The following TNRC6B variants were observed in gnomAD, a reference collection of about 807,000 sequenced individuals.
TNRC6B encodes trinucleotide repeat-containing gene 6B protein.
A neutral mutation model predicts 203.6 loss-of-function variants in TNRC6B; 52 were observed. The ratio of observed to expected loss-of-function variants is 0.26; its 90% CI spans 0.20 to 0.32. The LOEUF (loss-of-function observed/expected upper bound fraction) is 0.32, where lower values mean the gene tolerates loss of function less well. TNRC6B is among the 10% of genes least tolerant of loss of function. TNRC6B has a pLI of 1.00. For missense variants in TNRC6B, 1,923 were observed against 2,286.2 expected, an observed-to-expected ratio of 0.84 and a Z score of 3.24; for synonymous variants, 838 against 845.7, an observed-to-expected ratio of 0.99 and a Z score of 0.16.
At chr22:40,180,003 A>T (rs898434377) in intron 1 of TNRC6B, among the ~76,000 whole-genome samples, 2 of 152,212 alleles carry the variant, frequency 1.3e-5, no homozygotes, top group African/African-American at 4.8e-5. Context: ...GATTCACTGT[A>T]AATTTTTTGA....
At chr22:40,236,021 A>T (rs1569032551) in intron 1 of TNRC6B, among the ~76,000 whole-genome samples, 1 of 152,228 alleles carries the variant, frequency 6.6e-6, no homozygotes, top group Non-Finnish European at 1.5e-5. Context: ...AGCAAGGCAG[A>T]GAGATTCTGT....
intron 21 of TNRC6B, among the ~76,000 whole-genome samples, chr22:40,319,613 G>C (rs374087685): frequency 3.9e-5 from 6 of 152,040 alleles, no homozygotes; most frequent in East Asian, 1.9e-4. Flanking sequence ...TTTTAGTAGA[G>C]ATGGGTTTCA....
intron 1 of TNRC6B, among the ~76,000 whole-genome samples, chr22:40,079,533 ATAAT>A (rs2068047823): frequency 6.6e-6 from 1 of 151,814 alleles, no homozygotes; most frequent in African/African-American, 2.4e-5. Flanking sequence ...TGTTTTAAAA[ATAAT>A]TATTTTATTA....
chr22:40,053,492 C>A (rs1283503731), intron 1 of TNRC6B, among the ~76,000 whole-genome samples: 3 of 152,084 alleles, frequency 2.0e-5, no homozygotes, highest in Non-Finnish European at 2.9e-5. Flanking sequence ...AAAAAAATAC[C>A]CCTTTAACAC....
In TNRC6B at chr22:40,335,423, C is replaced by G. The variant is rs1290907260; in HGVS notation, c.*12182C>G. On this transcript the variant is annotated 3_prime_UTR_variant, in exon 23 of 23. Transcript: ENST00000454349. The stretch of plus-strand genomic sequence containing the variant: ...AATGTACAAATAAGCTGAAAAGTTG[C>G]ATTTTATGTGTATTTTTTGCCATAG... The G allele has an allele frequency of 6.8e-6, 1 of 146,714 alleles. No individual in the cohort carries two copies. Among genetic ancestry groups the G allele is most frequent in the Non-Finnish European group, 1.5e-5 (1 of 67,012 alleles). The allele number at this position is 146,714 out of a possible 1,614,324, so 9.1% of individuals were successfully genotyped here. A position where few individuals can be genotyped will look rare whatever the true frequency, so the allele number is the denominator to read the frequency against.
chr22:40,175,597 C>T (rs532190076), upstream of TNRC6B, among the ~76,000 whole-genome samples: 2 of 152,154 alleles, frequency 1.3e-5, no homozygotes, highest in Non-Finnish European at 2.9e-5. Context: ...TGTTCAGTCT[C>T]CACACATTTT....
chr22:40,270,473 C>T (rs935689139), intron 6 of TNRC6B, among the ~76,000 whole-genome samples, 193 bp downstream of exon 6: 62 of 152,154 alleles, frequency 4.1e-4, no homozygotes, highest in African/African-American at 1.4e-3. Context: ...GCGCCCGCCA[C>T]CACGCCCGGC....
intron 12 of TNRC6B, among the ~76,000 whole-genome samples, chr22:40,294,390 T>G (rs1047839644): frequency 9.2e-5 from 14 of 152,216 alleles, no homozygotes; most frequent in Admixed American, 6.5e-4. Flanking sequence ...TATCTTCACA[T>G]GGCTTTTTCT....
chr22:40,301,323 A>T lies in TNRC6B; in HGVS notation c.4110A>T (p.Gly1370=). ...TTCAAACCAAAGGGCCAATACCTGG[A>T]TATGGTTCTGGTAAGTTGTTGGTAG... ...PDLQTKGPIP[G]YGSGFSSGGM... is the part of the protein sequence containing the mutation. The change falls in exon 15 of 23, where the codon GGA becomes GGT. Residue 1370 remains glycine, a synonymous_variant. Transcript: ENST00000454349. 1.9e-6 allele frequency: 3 copies of T among 1,606,612 alleles called. No individual in the cohort carries two copies. Among genetic ancestry groups the T allele is most frequent in the Non-Finnish European group, 2.6e-6 (3 of 1,176,112 alleles).
intron 17 of TNRC6B, 107 bp from the exon 18 acceptor site, chr22:40,312,398 A>T: frequency 8.8e-7 from 1 of 1,135,144 alleles, no homozygotes; most frequent in Non-Finnish European, 1.2e-6. Context: ...GAGACAATAA[A>T]TTCAGTATTT....
intron 4 of TNRC6B, among the ~76,000 whole-genome samples, chr22:40,171,452 C>T (rs1419654487): frequency 1.3e-5 from 2 of 151,984 alleles, no homozygotes; most frequent in East Asian, 3.9e-4. Context: ...TGAGCCACCG[C>T]ACCCGGCCAT....
intron 7 of TNRC6B, among the ~76,000 whole-genome samples, chr22:40,276,537 C>T (rs571282027): frequency 6.6e-6 from 1 of 152,192 alleles, no homozygotes; most frequent in African/African-American, 2.4e-5. Flanking sequence ...CTACCTCTGC[C>T]CTACTTTGCC....
At chr22:40,197,866 C>T (rs778792034) in intron 1 of TNRC6B, among the ~76,000 whole-genome samples, 23 of 152,048 alleles carry the variant, frequency 1.5e-4, no homozygotes, top group Non-Finnish European at 2.8e-4. Context: ...CCCACCTCAG[C>T]CTCCCAAAGC....
At chr22:40,287,413 C>A (rs912221751) in intron 12 of TNRC6B, among the ~76,000 whole-genome samples, 1 of 152,180 alleles carries the variant, frequency 6.6e-6, no homozygotes, top group Non-Finnish European at 1.5e-5. Flanking sequence ...GAGTCTGTAT[C>A]TTTCTTAGTG....
At chr22:40,189,006 G>A (rs1569013663) in intron 1 of TNRC6B, among the ~76,000 whole-genome samples, 2 of 152,100 alleles carry the variant, frequency 1.3e-5, no homozygotes, top group Non-Finnish European at 2.9e-5. Context: ...CCCCATTTCA[G>A]CATATGATCC....
intron 3 of TNRC6B, among the ~76,000 whole-genome samples, chr22:40,260,085 C>T (rs2070353517): frequency 6.6e-6 from 1 of 152,058 alleles, no homozygotes; most frequent in Non-Finnish European, 1.5e-5. Context: ...CCCGACATTC[C>T]CACGCTGTGT....
chr22:40,215,478 G>A (rs1010128805), intron 1 of TNRC6B, among the ~76,000 whole-genome samples: 5 of 152,214 alleles, frequency 3.3e-5, no homozygotes, highest in Non-Finnish European at 5.9e-5. Context: ...GCTGCTTCCT[G>A]TTCCCATGAG....
intron 1 of TNRC6B, among the ~76,000 whole-genome samples, chr22:40,063,610 A>G (rs1422863487): frequency 1.3e-5 from 2 of 152,224 alleles, no homozygotes; most frequent in South Asian, 2.1e-4. Context: ...TTTTCAGCGT[A>G]TAAGTGTTGC....
chr22:40,072,192 GAC>G (rs1451690896), intron 1 of TNRC6B, among the ~76,000 whole-genome samples: 2 of 152,232 alleles, frequency 1.3e-5, no homozygotes, highest in South Asian at 2.1e-4. Flanking sequence ...GTATTATTCA[GAC>G]ACAGAGATTG....
Sources: allele counts gnomAD v4.1 joint callset (sites outside exome capture counted in the v4.1 genomes callset), GRCh38; gene constraint gnomAD v4.1.1; transcripts MANE v1.5; gene names NCBI Gene and HGNC (gene_info 2026-07-23, HGNC 2026-07-21).